The following DCC variants were observed in gnomAD, a reference collection of about 807,000 sequenced individuals.
DCC encodes the protein netrin receptor DCC.
Under a neutral mutation model 172.5 loss-of-function variants are expected in DCC, and 58 were observed. The observed-to-expected ratio is 0.34, with a 90% CI of 0.27 to 0.42. The LOEUF (loss-of-function observed/expected upper bound fraction) is 0.42. Among genes scored for constraint, DCC ranks in the 10% least tolerant of loss-of-function variants. The pLI is 1.00. For missense variants in DCC, 1,740 were observed against 1,791.0 expected (o/e 0.97, Z 0.51); for synonymous variants, 709 against 644.5 (o/e 1.10, Z -1.52).
intron 26 of DCC, among the ~76,000 whole-genome samples, chr18:53,488,491 T>C (rs562946724): frequency 2.0e-5 from 3 of 152,336 alleles, no homozygotes; most frequent in Non-Finnish European, 2.9e-5. Flanking sequence ...TTTATTCGTG[T>C]TGTGTTACTC....
At chr18:52,443,003 C>G (rs1787727) in intron 1 of DCC, among the ~76,000 whole-genome samples, 1 of 150,016 alleles carries the variant, frequency 6.7e-6, no homozygotes, top group South Asian at 2.1e-4. Context: ...AACTTTCTTT[C>G]TATTTTTTTT....
In DCC at chr18:52,883,384, GTGTGTGTGAGA is replaced by G. The variant is rs201490489; in HGVS notation, c.413-22658_413-22648del. ...TGTGTGTGTGTGTGTGTGTGTGTGT[GTGTGTGTGAGA>G]TCTCTTTCTGTCTTCCTTTTAGTGA... On this transcript the variant is annotated intron_variant, in intron 2 of 28. Coordinates refer to ENST00000442544, the MANE Select transcript of DCC (RefSeq NM_005215.4). Among the ~76,000 whole-genome samples, 642 of 94,420 alleles carry G rather than the reference GTGTGTGTGAGA, an allele frequency of 6.8e-3. 1 individual carries two copies. Among genetic ancestry groups the G allele is most frequent in the South Asian group, 0.024 (60 of 2,546 alleles). The allele number at this position is 94,420 out of a possible 152,430, so 61.9% of individuals were successfully genotyped here.
intron 5 of DCC, chr18:52,934,714 A>C (rs1164743208): frequency 4.6e-5 from 7 of 152,112 alleles, no homozygotes; most frequent in Non-Finnish European, 1.0e-4. Flanking sequence ...GAGTAACTAA[A>C]ATTAAATGAT....
At position 53,535,205 on chromosome 18, in the gene DCC, A is replaced by T. The variant is rs1415764990; in HGVS notation, c.*4552A>T. 1 of 152,166 alleles carries T rather than the reference A, an allele frequency of 6.6e-6. No individual in the cohort carries two copies. Among genetic ancestry groups the T allele is most frequent in the African/African-American group, 2.4e-5 (1 of 41,422 alleles). 9.4% of individuals were successfully genotyped at this position (152,166 alleles called of 1,614,324 possible). On this transcript the variant is annotated 3_prime_UTR_variant, in exon 29 of 29. Transcript: ENST00000442544. ...TTTTATAAGTAATATTTAATTTATTATTTAGAGTGGCTTCTTTTTGGATAA... is the reference window on the plus strand; with the variant it reads ...TTTTATAAGTAATATTTAATTTATTTTTTAGAGTGGCTTCTTTTTGGATAA...
intron 5 of DCC, among the ~76,000 whole-genome samples, chr18:53,057,215 A>G (rs994491525): frequency 1.3e-5 from 2 of 151,984 alleles, no homozygotes; most frequent in African/African-American, 4.8e-5. Flanking sequence ...TTTGGAGCTC[A>G]AATCACAGAA....
At chr18:52,417,959 A>T (rs1402229935) in intron 1 of DCC, among the ~76,000 whole-genome samples, 1 of 152,198 alleles carries the variant, frequency 6.6e-6, no homozygotes, top group Non-Finnish European at 1.5e-5. Context: ...ACCATAGCGC[A>T]GCTCTGTCCG....
At chr18:53,121,167 A>G (rs1021216139) in intron 7 of DCC, among the ~76,000 whole-genome samples, 1 of 151,898 alleles carries the variant, frequency 6.6e-6, no homozygotes, top group African/African-American at 2.4e-5. Flanking sequence ...AGTGAGAAAA[A>G]TTAGAAAAGA....
chr18:52,718,757 C>T (rs1400539372), intron 1 of DCC, among the ~76,000 whole-genome samples: 2 of 152,082 alleles, frequency 1.3e-5, no homozygotes, highest in African/African-American at 2.4e-5. Context: ...ATTCTCTAGG[C>T]GTTTATAGAC....
In DCC at chr18:53,453,065, G is replaced by A. The variant is rs1014493093; in HGVS notation, c.3392+2403G>A. 1.5e-4 allele frequency among the ~76,000 whole-genome samples: 23 copies of A among 151,902 alleles called. No homozygotes were observed. In the South Asian group the frequency reaches 2.5e-3, roughly 16 times the overall value. Reference sequence around the variant, plus strand: ...CGAGTAGCTGGGACTACAGGTGCCCGCCACCACGCCCAGCTAATTTCTTGA... The same window carrying A: ...CGAGTAGCTGGGACTACAGGTGCCCACCACCACGCCCAGCTAATTTCTTGA... On this transcript the variant is annotated intron_variant, in intron 23 of 28. Coordinates refer to ENST00000442544, the MANE Select transcript of DCC (RefSeq NM_005215.4).
chr18:53,335,203 C>A lies in DCC; in HGVS notation c.2165-4510C>A, dbSNP rs138382630. On this transcript the variant is annotated intron_variant, in intron 14 of 28. Transcript: ENST00000442544. ...TCCTCTCCCTACAGAGCTCACCACT[C>A]TGATGTTTGCTTGACTGGCCCTTTC... 4.1e-3 allele frequency among the ~76,000 whole-genome samples: 622 copies of A among 152,286 alleles called. 1 individual carries two copies. Among genetic ancestry groups the A allele is most frequent in the Middle Eastern group, 6.8e-3 (2 of 294 alleles).
chr18:52,799,260 G>A (rs2037937321), intron 2 of DCC, among the ~76,000 whole-genome samples: 1 of 152,150 alleles, frequency 6.6e-6, no homozygotes, highest in African/African-American at 2.4e-5. Context: ...TGTTTATGTT[G>A]TCCTGCATTG....
chr18:52,977,923 AG>A (rs1159406586), intron 5 of DCC, among the ~76,000 whole-genome samples: 2 of 151,808 alleles, frequency 1.3e-5, no homozygotes, highest in Non-Finnish European at 2.9e-5. Context: ...AGAAAAAAAA[AG>A]CATATCTGCT....
intron 1 of DCC, among the ~76,000 whole-genome samples, chr18:52,725,006 T>C (rs1245713984): frequency 3.3e-5 from 5 of 152,178 alleles, no homozygotes; most frequent in Non-Finnish European, 7.3e-5. Flanking sequence ...TAGCTAACTA[T>C]GAGGGTTATT....
intron 12 of DCC, among the ~76,000 whole-genome samples, chr18:53,222,875 G>A (rs1460907189): frequency 6.6e-6 from 1 of 151,980 alleles, no homozygotes. Context: ...GTTACTTAAT[G>A]TCATTGTAAC....
At chr18:52,896,054 G>A (rs530231355) in intron 2 of DCC, among the ~76,000 whole-genome samples, 31 of 152,240 alleles carry the variant, frequency 2.0e-4, no homozygotes, top group African/African-American at 7.0e-4. Context: ...CAAAGTGCTA[G>A]GATTACAGGT....
chr18:53,028,855 C>A (rs6417120), intron 5 of DCC, among the ~76,000 whole-genome samples: 105,348 of 152,074 alleles, frequency 0.69, 38,159 homozygotes, highest in African/African-American at 0.91. Context: ...AATGTCTCTC[C>A]TTATATTCAG....
At chr18:52,748,991 G>A (rs978263030) in intron 1 of DCC, among the ~76,000 whole-genome samples, 5 of 152,180 alleles carry the variant, frequency 3.3e-5, no homozygotes, top group African/African-American at 1.2e-4. Flanking sequence ...GAGGTCAGGA[G>A]TTTGAGACCA....
chr18:53,507,328 CAA>C (rs2144509518), intron 27 of DCC, among the ~76,000 whole-genome samples: 1 of 152,210 alleles, frequency 6.6e-6, no homozygotes, highest in East Asian at 1.9e-4. Flanking sequence ...TGAAAGCAAA[CAA>C]AAAGTCTCTG....
chr18:52,637,847 T>C (rs1323538454), intron 1 of DCC, among the ~76,000 whole-genome samples: 1 of 152,080 alleles, frequency 6.6e-6, no homozygotes, highest in East Asian at 1.9e-4. Context: ...AAAAGATCTT[T>C]GCCTAGGCAC....
Sources: allele counts gnomAD v4.1 joint callset (sites outside exome capture counted in the v4.1 genomes callset), GRCh38; gene constraint gnomAD v4.1.1; transcripts MANE v1.5; gene names NCBI Gene and HGNC (gene_info 2026-07-23, HGNC 2026-07-21).